The following GLB1L3 variants were observed in gnomAD, a reference collection of about 807,000 sequenced individuals.
GLB1L3 encodes the protein galactosidase beta 1 like 3.
A neutral mutation model predicts 89.5 loss-of-function variants in GLB1L3; 89 were observed. The observed-to-expected ratio is 0.99, with a 90% CI of 0.84 to 1.19. The LOEUF is 1.19. GLB1L3 is among the 50% of genes most tolerant of loss of function. The probability of loss-of-function intolerance (pLI) is 0.00; values close to 1 mark genes in which losing one functional copy is unlikely to be tolerated. For synonymous variants in GLB1L3, 314 were observed against 312.3 expected (o/e 1.01, Z -0.06); for missense variants, 812 against 813.3 (o/e 1.00, Z 0.02).
chr11:134,310,698 G>A, intron 12 of GLB1L3, 47 bp downstream of exon 12: 3 of 1,427,572 alleles, frequency 2.1e-6, no homozygotes, highest in Non-Finnish European at 3.0e-6. Context: ...CTCATGTGGA[G>A]TCTCTGTTCT....
intron 9 of GLB1L3, among the ~76,000 whole-genome samples, chr11:134,296,847 TA>T (rs1269271516): frequency 4.5e-5 from 6 of 132,224 alleles, no homozygotes; most frequent in African/African-American, 1.7e-4. Flanking sequence ...ATAATAATAA[TA>T]ATAATAATAA....
At chr11:134,320,929 C>G (rs944686194), downstream of GLB1L3, among the ~76,000 whole-genome samples, 1 of 148,174 alleles carries the variant, frequency 6.7e-6, no homozygotes, top group Non-Finnish European at 1.5e-5. Flanking sequence ...GAGACGTTAA[C>G]TCATTACATA....
At chr11:134,323,418 CACACACAATT>C (rs1293635863), downstream of GLB1L3, among the ~76,000 whole-genome samples, 1 of 131,174 alleles carries the variant, frequency 7.6e-6, no homozygotes, top group Non-Finnish European at 1.8e-5. Context: ...CACACACACA[CACACACAATT>C]AGTCGGCCTG....
intron 3 of GLB1L3, among the ~76,000 whole-genome samples, chr11:134,278,984 A>G (rs887782216): frequency 5.3e-5 from 8 of 152,236 alleles, no homozygotes; most frequent in African/African-American, 1.9e-4. Context: ...CATTACATAC[A>G]CACAGATTGC....
intron 11 of GLB1L3, chr11:134,310,112 G>A (rs1399344009): frequency 2.5e-5 from 10 of 396,596 alleles, no homozygotes; most frequent in Non-Finnish European, 4.1e-5. Flanking sequence ...AAGAGTACCC[G>A]TTGAAGGGGT....
chr11:134,312,571 G>A, intron 14 of GLB1L3, 82 bp downstream of exon 14: 1 of 1,514,750 alleles, frequency 6.6e-7, no homozygotes. Context: ...ACTGAAGGAT[G>A]CACGTTGCTG....
At chr11:134,308,445 A>C in intron 10 of GLB1L3, among the ~76,000 whole-genome samples, 1 of 57,202 alleles carries the variant, frequency 1.7e-5, no homozygotes. Context: ...CACCACCACC[A>C]TCACCACCAC....
At chr11:134,283,289 C>T (rs1481654532) in intron 5 of GLB1L3, among the ~76,000 whole-genome samples, 1 of 152,130 alleles carries the variant, frequency 6.6e-6, no homozygotes, top group Admixed American at 6.5e-5. Flanking sequence ...GTCTCGAACT[C>T]CTGACCTCAG....
At chr11:134,309,551 G>A (rs1942617865) in intron 10 of GLB1L3, 75 bp from the exon 11 acceptor site, 5 of 1,224,770 alleles carry the variant, frequency 4.1e-6, no homozygotes, top group South Asian at 3.2e-5. Flanking sequence ...GGTTGGAAAG[G>A]ATAAGAGTTT....
At chr11:134,296,645 G>C (rs1941657944) in intron 9 of GLB1L3, among the ~76,000 whole-genome samples, 1 of 135,486 alleles carries the variant, frequency 7.4e-6, no homozygotes, top group African/African-American at 2.8e-5. Flanking sequence ...TGAACAATGA[G>C]AACACATGGA....
chr11:134,312,782 G>T (rs755303523), intron 14 of GLB1L3, 34 bp from the exon 15 acceptor site: 1 of 1,564,492 alleles, frequency 6.4e-7, no homozygotes, highest in Non-Finnish European at 8.8e-7. Flanking sequence ...CTTCGGGTGG[G>T]CCTAGCAGTC....
At chr11:134,282,876 C>G (rs920544371) in intron 5 of GLB1L3, among the ~76,000 whole-genome samples, 14 of 152,158 alleles carry the variant, frequency 9.2e-5, no homozygotes, top group Non-Finnish European at 1.8e-4. Context: ...AAAGCCTGAG[C>G]TGAGGGGAGT....
At chr11:134,313,067 A>G (rs2136225716) in intron 15 of GLB1L3, among the ~76,000 whole-genome samples, 180 bp downstream of exon 15, 1 of 152,274 alleles carries the variant, frequency 6.6e-6, no homozygotes. Flanking sequence ...CTGGCCCCTC[A>G]GGAGCTACCG....
chr11:134,309,686 T>C lies in GLB1L3; in HGVS notation c.1022T>C (p.Phe341Ser). ...KYEISFNVYM[F>S]HGGTNFGFMN... ...GAGATCTCCTTCAATGTATATATGT[T>C]CCATGGTGGAACCAACTTTGGTTTC... is the stretch of plus-strand genomic sequence containing the variant. Residue 341 changes from phenylalanine (F) to serine (S), a missense_variant, in exon 11 of 20, where the codon TTC (phenylalanine) becomes TCC (serine). This residue lies in a region of GLB1L3 where 618 missense variants were observed against 604.0 expected (regional missense o/e 1.02). Transcript: ENST00000431683. The C allele has an allele frequency of 6.2e-7, 1 of 1,613,194 alleles. No individual in the cohort carries two copies. Among genetic ancestry groups the C allele is most frequent in the Non-Finnish European group, 8.5e-7 (1 of 1,179,550 alleles).
At chr11:134,306,467 C>T (rs1055161705) in intron 9 of GLB1L3, among the ~76,000 whole-genome samples, 10 of 152,076 alleles carry the variant, frequency 6.6e-5, no homozygotes, top group African/African-American at 2.4e-4. Context: ...CATCATAATC[C>T]AAATCCAGGG....
intron 9 of GLB1L3, among the ~76,000 whole-genome samples, chr11:134,302,806 C>T (rs1214313813): frequency 2.0e-5 from 3 of 152,088 alleles, no homozygotes; most frequent in Non-Finnish European, 4.4e-5. Flanking sequence ...TTTTGCGGTA[C>T]TGGGTGCAGT....
chr11:134,297,407 T>A (rs1205343504), intron 9 of GLB1L3, among the ~76,000 whole-genome samples: 1 of 152,192 alleles, frequency 6.6e-6, no homozygotes, highest in African/African-American at 2.4e-5. Context: ...TGACTGAAAT[T>A]TACCTTTTTG....
chr11:134,292,087 T>C (rs1041759107), intron 7 of GLB1L3, 45 bp from the exon 8 acceptor site: 3 of 1,404,402 alleles, frequency 2.1e-6, no homozygotes, highest in Non-Finnish European at 3.0e-6. Flanking sequence ...TTTTTTCCCA[T>C]GGGAATGAGG....
chr11:134,308,550 TCACCATCACCAC>T (rs1565414417), intron 10 of GLB1L3, among the ~76,000 whole-genome samples: 7 of 16,838 alleles, frequency 4.2e-4, no homozygotes, highest in African/African-American at 9.3e-4. Flanking sequence ...ACCATCACCA[TCACCATCACCAC>T]CACCACCACC....
Sources: gnomAD v4.1 joint callset for allele counts (sites outside exome capture counted in the v4.1 genomes callset) on GRCh38, gnomAD v4.1.1 for gene constraint, gnomAD v4.1.1 regional missense constraint, MANE v1.5 for transcripts, NCBI Gene and HGNC (gene_info 2026-07-23, HGNC 2026-07-21) for gene names.